The following LRRTM4 variants were observed in gnomAD, a reference collection of about 807,000 sequenced individuals.
LRRTM4 encodes leucine-rich repeat transmembrane neuronal protein 4.
A neutral mutation model predicts 47.6 loss-of-function variants in LRRTM4; 25 were observed. The observed-to-expected ratio is 0.53, with a 90% confidence interval of 0.38 to 0.73. The LOEUF is 0.73. Ranked by LOEUF, LRRTM4 falls within the 30% of genes least tolerant of loss-of-function variation. The pLI is 0.00. For missense variants in LRRTM4, 638 were observed against 713.4 expected, an observed-to-expected ratio of 0.89 and a Z score of 1.20; for synonymous variants, 311 against 269.5, an observed-to-expected ratio of 1.15 and a Z score of -1.51.
intron 3 of LRRTM4, among the ~76,000 whole-genome samples, chr2:77,311,011 ATAT>A (rs928484795): frequency 5.9e-5 from 9 of 151,864 alleles, no homozygotes; most frequent in South Asian, 2.1e-4. Flanking sequence ...TAGAGAGAGA[ATAT>A]TATGTGTGTG....
chr2:77,056,641 G>C (rs1260183407), intron 3 of LRRTM4, among the ~76,000 whole-genome samples: 1 of 152,120 alleles, frequency 6.6e-6, no homozygotes, highest in Non-Finnish European at 1.5e-5. Context: ...CTCATTCCCT[G>C]AATAAATATT....
intron 3 of LRRTM4, among the ~76,000 whole-genome samples, chr2:77,499,845 G>C (rs991286418): frequency 5.9e-5 from 9 of 151,762 alleles, no homozygotes; most frequent in Non-Finnish European, 8.8e-5. Flanking sequence ...GTTTGCCTAG[G>C]CTTGATTAAA....
chr2:77,519,680 T>A lies in LRRTM4; in HGVS notation c.189A>T (p.Ser63=), dbSNP rs1160470718. ...TGTTGAACCTTAATGATAAGCCTTG[T>A]GACCCTCCAGAAATGTTCTCAGGGA... ...ADIPENISGG[S]QGLSLRFNSI... Residue 63 remains serine, a synonymous_variant, in exon 3 of 4, where the codon TCA becomes TCT. Coordinates refer to ENST00000409884, the MANE Select transcript of LRRTM4 (RefSeq NM_001134745.3). The surrounding 1 kb of genome is among the most constrained non-coding windows in gnomAD (Gnocchi z 4.6). 1.2e-6 allele frequency: 2 copies of A among 1,613,324 alleles called. No individual in the cohort carries two copies. Among genetic ancestry groups the A allele is most frequent in the Non-Finnish European group, 1.7e-6 (2 of 1,179,592 alleles).
intron 3 of LRRTM4, among the ~76,000 whole-genome samples, chr2:76,897,934 C>T (rs1429936394): frequency 1.3e-5 from 2 of 152,130 alleles, no homozygotes; most frequent in Admixed American, 6.6e-5. Context: ...AAAGGGAAGA[C>T]AATCTAAATA....
intron 3 of LRRTM4, among the ~76,000 whole-genome samples, chr2:76,816,819 GTT>G (rs201525166): frequency 3.1e-5 from 3 of 96,516 alleles, no homozygotes; most frequent in Admixed American, 1.0e-4. Context: ...GAGGTAAAGA[GTT>G]TTTTTTTTTT....
chr2:76,751,363 A>T (rs1440793988), intron 3 of LRRTM4, among the ~76,000 whole-genome samples: 1 of 132,404 alleles, frequency 7.6e-6, no homozygotes, highest in East Asian at 4.0e-4. Flanking sequence ...AATAGTAACA[A>T]GAGTATTTCT....
intron 3 of LRRTM4, among the ~76,000 whole-genome samples, chr2:76,756,081 G>A (rs1673021531): frequency 6.6e-6 from 1 of 152,172 alleles, no homozygotes; most frequent in Admixed American, 6.5e-5. Context: ...CAAGGATTAA[G>A]TCATGCACCC....
chr2:77,436,127 T>C (rs1304906529), intron 3 of LRRTM4, among the ~76,000 whole-genome samples: 1 of 152,122 alleles, frequency 6.6e-6, no homozygotes, highest in Non-Finnish European at 1.5e-5. Context: ...TTAAAAGCGG[T>C]ACCAAAATTA....
chr2:77,200,917 T>A (rs1673955797), intron 3 of LRRTM4, among the ~76,000 whole-genome samples: 1 of 152,134 alleles, frequency 6.6e-6, no homozygotes, highest in Non-Finnish European at 1.5e-5. Context: ...CTGCCACAAC[T>A]GCCTACTCAT....
intron 3 of LRRTM4, among the ~76,000 whole-genome samples, chr2:77,419,993 G>A (rs1674807951): frequency 6.6e-6 from 1 of 152,194 alleles, no homozygotes; most frequent in Admixed American, 6.5e-5. Flanking sequence ...ACTTAACTGA[G>A]TGTCTGCACT....
chr2:76,812,792 C>CCA, intron 3 of LRRTM4, among the ~76,000 whole-genome samples: 1 of 114,088 alleles, frequency 8.8e-6, no homozygotes, highest in Middle Eastern at 4.6e-3. Flanking sequence ...TCCTCTCCCT[C>CCA]CCCCCCCTCC....
At chr2:76,968,752 T>C (rs1274112705) in intron 3 of LRRTM4, among the ~76,000 whole-genome samples, 1 of 151,716 alleles carries the variant, frequency 6.6e-6, no homozygotes, top group Non-Finnish European at 1.5e-5. Context: ...GAAACTACCC[T>C]TCTCTTAGTC....
chr2:76,814,364 G>A (rs947023896), intron 3 of LRRTM4, among the ~76,000 whole-genome samples: 1 of 151,514 alleles, frequency 6.6e-6, no homozygotes, highest in Non-Finnish European at 1.5e-5. Flanking sequence ...AGTAAGCTAA[G>A]GTTAATTTAT....
intron 3 of LRRTM4, among the ~76,000 whole-genome samples, chr2:76,806,081 C>G (rs373948656): frequency 2.0e-4 from 30 of 152,090 alleles, no homozygotes; most frequent in Middle Eastern, 6.8e-3. Flanking sequence ...CAGAACAAGG[C>G]AAAATATTGA....
At chr2:77,085,304 T>C (rs553496663) in intron 3 of LRRTM4, among the ~76,000 whole-genome samples, 6 of 151,756 alleles carry the variant, frequency 4.0e-5, no homozygotes, top group Non-Finnish European at 8.8e-5. Flanking sequence ...CCTACAAGAG[T>C]GATCCACTAA....
intron 3 of LRRTM4, among the ~76,000 whole-genome samples, chr2:77,097,735 CAT>C (rs530571724): frequency 6.6e-4 from 100 of 151,956 alleles, no homozygotes; most frequent in South Asian, 1.2e-3. Flanking sequence ...TGGGGAAAAA[CAT>C]GTGTGAAAAT....
chr2:76,961,373 C>T (rs1279204345), intron 3 of LRRTM4, among the ~76,000 whole-genome samples: 1 of 151,106 alleles, frequency 6.6e-6, no homozygotes, highest in African/African-American at 2.4e-5. Flanking sequence ...CATCACAGAT[C>T]TGTTAGCTTG....
At chr2:77,449,514 C>T (rs1676175800) in intron 3 of LRRTM4, among the ~76,000 whole-genome samples, 1 of 152,134 alleles carries the variant, frequency 6.6e-6, no homozygotes, top group African/African-American at 2.4e-5. Flanking sequence ...TGAGATAAAG[C>T]ATTCCCAAAG....
intron 3 of LRRTM4, among the ~76,000 whole-genome samples, chr2:77,465,904 G>A (rs1271958822): frequency 6.7e-6 from 1 of 149,686 alleles, no homozygotes; most frequent in Non-Finnish European, 1.5e-5. Context: ...CATACAGGGA[G>A]CTGGCACCTA....
Sources: gnomAD v4.1 joint callset for allele counts (sites outside exome capture counted in the v4.1 genomes callset) on GRCh38, gnomAD v4.1.1 for gene constraint, Gnocchi (gnomAD v3.1) non-coding constraint, MANE v1.5 for transcripts, NCBI Gene and HGNC (gene_info 2026-07-23, HGNC 2026-07-21) for gene names.